BMERB1: variants seen among roughly 807,000 people sequenced by gnomAD.
The protein encoded by BMERB1 is bMERB domain-containing protein 1.
Under a neutral mutation model 23.6 loss-of-function variants are expected in BMERB1, and 12 were observed. The ratio of observed to expected loss-of-function variants is 0.51; its 90% CI spans 0.33 to 0.82. BMERB1 has a LOEUF of 0.82. BMERB1 is among the 40% of genes least tolerant of loss of function. The pLI is 0.03. For missense variants in BMERB1, 247 were observed against 255.4 expected (o/e 0.97, Z 0.22); for synonymous variants, 122 against 96.6 (o/e 1.26, Z -1.54).
At chr16:15,490,655 G>A (rs1488030336) in intron 1 of BMERB1, among the ~76,000 whole-genome samples, 1 of 152,068 alleles carries the variant, frequency 6.6e-6, no homozygotes, top group Non-Finnish European at 1.5e-5. Flanking sequence ...AGACGCCCTG[G>A]CTACCTGGGA....
At position 15,503,520 on chromosome 16, in the gene BMERB1, G is replaced by A. The variant is rs1007062799; in HGVS notation, c.107-11785G>A. Reference sequence around the variant, plus strand: ...TCACCGTGTTATCCAGGATGGTCTCGATCTCCTGACCTCGTGATCCATCCA... The same window carrying A: ...TCACCGTGTTATCCAGGATGGTCTCAATCTCCTGACCTCGTGATCCATCCA... On this transcript the variant is annotated intron_variant, in intron 1 of 5. Coordinates refer to ENST00000300006, the MANE Select transcript of BMERB1 (RefSeq NM_033201.3). 7.4e-5 allele frequency among the ~76,000 whole-genome samples: 11 copies of A among 148,390 alleles called. No homozygotes were observed. In the South Asian group the frequency reaches 1.5e-3, roughly 20 times the overall value.
At chr16:15,525,714 A>AG (rs1278240198) in intron 2 of BMERB1, among the ~76,000 whole-genome samples, 5 of 151,908 alleles carry the variant, frequency 3.3e-5, no homozygotes, top group African/African-American at 1.2e-4. Flanking sequence ...CAGAAAAAAA[A>AG]AAAAGAAAAA....
At chr16:15,443,943 A>G (rs1212845910) in intron 1 of BMERB1, among the ~76,000 whole-genome samples, 1 of 151,736 alleles carries the variant, frequency 6.6e-6, no homozygotes, top group East Asian at 1.9e-4. Flanking sequence ...GAAATTAGGA[A>G]AGAAATTGGC....
intron 1 of BMERB1, among the ~76,000 whole-genome samples, chr16:15,503,200 G>C (rs2051548267): frequency 6.6e-6 from 1 of 152,196 alleles, no homozygotes; most frequent in South Asian, 2.1e-4. Context: ...AAGTAATCTA[G>C]AGATGACTTA....
At position 15,532,972 on chromosome 16, in the gene BMERB1, C is replaced by T. The variant is rs146357845; in HGVS notation, c.230+17544C>T. On this transcript the variant is annotated intron_variant, in intron 2 of 5. Coordinates refer to ENST00000300006, the MANE Select transcript of BMERB1 (RefSeq NM_033201.3). ...AATTACACCTAGATTTACATTCTAC[C>T]TCTGCCATTTATAGGCTGTGCAATC... The T allele has an allele frequency of 1.2e-3, 530 of 455,062 alleles. 5 individuals are homozygous for T. Among genetic ancestry groups the T allele is most frequent in the African/African-American group, 9.1e-3 (458 of 50,134 alleles). The allele number at this position is 455,062 out of a possible 1,614,324, so 28.2% of individuals were successfully genotyped here.
At chr16:15,449,106 T>C (rs143517416) in intron 1 of BMERB1, among the ~76,000 whole-genome samples, 2 of 152,364 alleles carry the variant, frequency 1.3e-5, no homozygotes, top group African/African-American at 4.8e-5. Context: ...CTGGTCCGTT[T>C]AGCACTACCT....
intron 1 of BMERB1, among the ~76,000 whole-genome samples, chr16:15,444,375 C>T (rs1275698074): frequency 6.6e-6 from 1 of 151,814 alleles, no homozygotes; most frequent in Non-Finnish European, 1.5e-5. Context: ...TGGGTCCTGA[C>T]CCCACCCTTA....
intron 2 of BMERB1, among the ~76,000 whole-genome samples, chr16:15,530,699 T>C (rs1231870216): frequency 2.6e-5 from 4 of 152,112 alleles, no homozygotes; most frequent in Non-Finnish European, 5.9e-5. Flanking sequence ...AATTCAATCA[T>C]GTGGGTGGTT....
At position 15,539,346 on chromosome 16, in the gene BMERB1, C is replaced by T. The variant is rs528043442; in HGVS notation, c.230+23918C>T. 3.6e-4 allele frequency among the ~76,000 whole-genome samples: 54 copies of T among 152,098 alleles called. No homozygotes were observed. In the East Asian group the frequency reaches 0.01, roughly 28 times the overall value. ...CGGTACTGTGAGCATGGGGAGTGGC[C>T]GTAAATGCAGATGAAGCTTCACTCA... is the stretch of plus-strand genomic sequence containing the variant. On this transcript the variant is annotated intron_variant, in intron 2 of 5. Coordinates refer to ENST00000300006, the MANE Select transcript of BMERB1 (RefSeq NM_033201.3).
chr16:15,460,365 A>G (rs545080483), intron 1 of BMERB1, among the ~76,000 whole-genome samples: 3 of 152,266 alleles, frequency 2.0e-5, no homozygotes, highest in Non-Finnish European at 2.9e-5. Context: ...GAGGAAATTC[A>G]TGGGAGAGAG....
chr16:15,570,384 A>G lies in BMERB1; in HGVS notation c.304+2328A>G, dbSNP rs187730053. Reference sequence around the variant, plus strand: ...ATGAGCCTTAGAGCAGCGTTTCCCAACCTTCAACTATTGACATTTGGGGTT... The same window carrying G: ...ATGAGCCTTAGAGCAGCGTTTCCCAGCCTTCAACTATTGACATTTGGGGTT... On this transcript the variant is annotated intron_variant, in intron 3 of 5. Transcript: ENST00000300006. 1.6e-3 allele frequency among the ~76,000 whole-genome samples: 237 copies of G among 152,148 alleles called. 1 individual carries two copies. The highest frequency in any genetic ancestry group is 5.4e-3 in the African/African-American group (225 of 41,506).
chr16:15,571,850 G>A (rs576776649), intron 3 of BMERB1, among the ~76,000 whole-genome samples: 4 of 151,918 alleles, frequency 2.6e-5, no homozygotes, highest in South Asian at 4.2e-4. Flanking sequence ...CCTCTACTCC[G>A]CGTTTCCTTT....
intron 1 of BMERB1, among the ~76,000 whole-genome samples, chr16:15,458,138 T>G (rs903891943): frequency 3.9e-5 from 6 of 152,218 alleles, no homozygotes; most frequent in African/African-American, 1.4e-4. Flanking sequence ...ACTTCTTACC[T>G]TCTCAGAAGA....
Position 15,510,493 on chromosome 16 carries a change from G to A in BMERB1, c.107-4812G>A, listed in dbSNP as rs150326712. Among the ~76,000 whole-genome samples the A allele has an allele frequency of 2.1e-4, 32 of 152,252 alleles. No individual in the cohort carries two copies. The East Asian group carries it at 4.6e-3, about 22-fold the overall frequency. The stretch of plus-strand genomic sequence containing the variant: ...GGGCAATTGCAAGCATATATTAAAC[G>A]TGACGTGCCGGGGTAATTCATCCCT... On this transcript the variant is annotated intron_variant, in intron 1 of 5. Coordinates refer to ENST00000300006, the MANE Select transcript of BMERB1 (RefSeq NM_033201.3).
chr16:15,505,755 G>A (rs1315850703), intron 1 of BMERB1, among the ~76,000 whole-genome samples: 1 of 152,008 alleles, frequency 6.6e-6, no homozygotes, highest in Non-Finnish European at 1.5e-5. Flanking sequence ...TGGTGTGGTG[G>A]TGGGCGCCTG....
intron 3 of BMERB1, among the ~76,000 whole-genome samples, chr16:15,580,734 A>G (rs1321918575): frequency 6.6e-6 from 1 of 150,924 alleles, no homozygotes; most frequent in Non-Finnish European, 1.5e-5. Flanking sequence ...TTTAGTAGAG[A>G]CGGGGTTCCA....
intron 2 of BMERB1, among the ~76,000 whole-genome samples, chr16:15,550,114 G>GT (rs2030042169): frequency 6.6e-6 from 1 of 151,644 alleles, no homozygotes; most frequent in Non-Finnish European, 1.5e-5. Context: ...CATTTTTTGT[G>GT]TTTTTTAGTA....
At chr16:15,575,699 A>C (rs1341172264) in intron 3 of BMERB1, among the ~76,000 whole-genome samples, 1 of 152,170 alleles carries the variant, frequency 6.6e-6, no homozygotes, top group African/African-American at 2.4e-5. Context: ...CAGGAGCCCC[A>C]ATACAGAATT....
rs1254656306 is a variant in BMERB1, at chr16:15,587,193, G to A, written c.*364G>A. 23 of 259,372 alleles carry A rather than the reference G, an allele frequency of 8.9e-5. No individual in the cohort carries two copies. In the South Asian group the frequency reaches 1.0e-3, roughly 12 times the overall value. The allele number at this position is 259,372 out of a possible 1,614,324, so 16.1% of individuals were successfully genotyped here. A position where few individuals can be genotyped will look rare whatever the true frequency, so the allele number is the denominator to read the frequency against. On this transcript the variant is annotated 3_prime_UTR_variant, in exon 6 of 6. Coordinates refer to ENST00000300006, the MANE Select transcript of BMERB1 (RefSeq NM_033201.3). ...AGAGGGGCATGCTCCCCAGCTGTGT[G>A]TAGTCGTGACTTCTCAACAATCTAG...
Sources: gnomAD v4.1 joint callset for allele counts (sites outside exome capture counted in the v4.1 genomes callset) on GRCh38, gnomAD v4.1.1 for gene constraint, MANE v1.5 for transcripts, NCBI Gene and HGNC (gene_info 2026-07-23, HGNC 2026-07-21) for gene names.